OTUD4: variants seen among roughly 807,000 people sequenced by gnomAD.
OTUD4 encodes OTU domain-containing protein 4.
OTUD4 carries 24 observed loss-of-function variants against 130.4 expected under a neutral mutation model. The observed-to-expected ratio is 0.18, with a 90% confidence interval of 0.13 to 0.26. The LOEUF (loss-of-function observed/expected upper bound fraction) is 0.26, where lower values mean the gene tolerates loss of function less well. OTUD4 is among the 10% of genes least tolerant of loss of function. OTUD4 has a pLI of 1.00. For missense variants in OTUD4, 1,031 were observed against 1,329.4 expected (o/e 0.78, Z 3.49); for synonymous variants, 420 against 472.5 (o/e 0.89, Z 1.44).
chr4:145,170,001 T>C (rs1241473511), intron 3 of OTUD4, among the ~76,000 whole-genome samples: 1 of 151,974 alleles, frequency 6.6e-6, no homozygotes, highest in Non-Finnish European at 1.5e-5. Context: ...CAGAGAAAAA[T>C]AAAGCAGAGA....
At chr4:145,154,050 A>G (rs577456380) in intron 10 of OTUD4, among the ~76,000 whole-genome samples, 1 of 152,362 alleles carries the variant, frequency 6.6e-6, no homozygotes, top group East Asian at 1.9e-4. Flanking sequence ...TATCAAAAGC[A>G]CCTACTTTAC....
chr4:145,164,347 C>T (rs542672240), intron 4 of OTUD4, 121 bp from the exon 5 acceptor site: 1 of 454,536 alleles, frequency 2.2e-6, no homozygotes, highest in Non-Finnish European at 4.0e-6. Flanking sequence ...ACTGGAGATA[C>T]AAAAGACAAT....
In OTUD4 at chr4:145,135,540, A is replaced by ATCT. The variant is rs1014101634; in HGVS notation, c.*1887_*1889dup. On this transcript the variant is annotated 3_prime_UTR_variant, in exon 21 of 21. Coordinates refer to ENST00000447906, the MANE Select transcript of OTUD4 (RefSeq NM_001366057.1). ...ATGAGCTGAAAGTGGAGGACCCTCT[A>ATCT]TCTTCTCATTCCTTAACTGAGCCAC... 11 of 152,394 alleles carry ATCT rather than the reference A, an allele frequency of 7.2e-5. No homozygotes were observed. Among genetic ancestry groups the ATCT allele is most frequent in the Admixed American group, 5.9e-4 (9 of 15,298 alleles). The allele number at this position is 152,394 out of a possible 1,614,324, so 9.4% of individuals were successfully genotyped here.
Position 145,159,725 on chromosome 4 carries a change from G to A in OTUD4, c.497-90C>T, listed in dbSNP as rs973211962. On this transcript the variant is annotated intron_variant, in intron 6 of 20. Coordinates refer to ENST00000447906, the MANE Select transcript of OTUD4 (RefSeq NM_001366057.1). ...GACCATCACATTGTAACTTTCTATTGCTCAGGCTTTTAAAATCCTGACTAG... is the reference window on the plus strand; with the variant it reads ...GACCATCACATTGTAACTTTCTATTACTCAGGCTTTTAAAATCCTGACTAG... 5.4e-5 allele frequency: 66 copies of A among 1,231,822 alleles called. No homozygotes were observed. In the African/African-American group the frequency reaches 9.5e-4, roughly 18 times the overall value. The allele number at this position is 1,231,822 out of a possible 1,614,324, so 76.3% of individuals were successfully genotyped here.
intron 1 of OTUD4, among the ~76,000 whole-genome samples, chr4:145,175,091 A>G (rs1341197215): frequency 6.6e-6 from 1 of 152,216 alleles, no homozygotes; most frequent in Non-Finnish European, 1.5e-5. Context: ...AATCCATGCT[A>G]CGCCACGCTC....
At position 145,143,961 on chromosome 4, in the gene OTUD4, T is replaced by C. The variant is rs1440092986; in HGVS notation, c.1587A>G (p.Glu529=). The C allele has an allele frequency of 1.2e-6, 2 of 1,613,006 alleles. No homozygotes were observed. Among genetic ancestry groups the C allele is most frequent in the Non-Finnish European group, 1.7e-6 (2 of 1,179,076 alleles). ...AAACTTTTACCTCCAATGTGCTTGG[T>C]TCGGGTCTTTTATCCAACTGACTAT... ...HGHSQLDKRP[E]PSTLENITDD... The change falls in exon 16 of 21, where the codon GAA becomes GAG. Residue 529 remains glutamate, a synonymous_variant. Transcript: ENST00000447906.
chr4:145,152,004 G>C (rs1258910698), intron 11 of OTUD4, among the ~76,000 whole-genome samples: 1 of 152,136 alleles, frequency 6.6e-6, no homozygotes, highest in African/African-American at 2.4e-5. Context: ...CTGCCTTTGT[G>C]CACAATGGTA....
chr4:145,138,114 T>C lies in OTUD4; in HGVS notation c.2661A>G (p.Lys887=), dbSNP rs1170229482. ...TTTCCAGAGACAGATCCAATTCTCC[T>C]TTTTCATCAGAGGGCAGGACAATAT... ...RQNIVLPSDE[K]GELDLSLENL... is the part of the protein sequence containing the mutation. Residue 887 remains lysine, a synonymous_variant, in exon 21 of 21, where the codon AAA becomes AAG. Transcript: ENST00000447906. 6.2e-6 allele frequency: 10 copies of C among 1,613,868 alleles called. No homozygotes were observed. Among genetic ancestry groups the C allele is most frequent in the Non-Finnish European group, 8.5e-6 (10 of 1,179,858 alleles).
chr4:145,175,470 AC>A (rs1415669107), intron 1 of OTUD4, among the ~76,000 whole-genome samples: 1 of 152,220 alleles, frequency 6.6e-6, no homozygotes, highest in African/African-American at 2.4e-5. Flanking sequence ...CTATTAAACA[AC>A]CAGTTCAACA....
At chr4:145,157,684 CAAAAAAAAAAA>C (rs923938636) in intron 7 of OTUD4, among the ~76,000 whole-genome samples, 2 of 44,090 alleles carry the variant, frequency 4.5e-5, no homozygotes, top group Admixed American at 2.4e-4. Flanking sequence ...AACTCCGTCT[CAAAAAAAAAAA>C]AAAAAAAAAA....
At chr4:145,178,263 A>G (rs1752522011) in intron 1 of OTUD4, 1 of 152,232 alleles carries the variant, frequency 6.6e-6, no homozygotes. Flanking sequence ...TACGGAAATC[A>G]GGCACACCCT....
At chr4:145,139,492 T>C (rs1009535599) in intron 20 of OTUD4, among the ~76,000 whole-genome samples, 3 of 152,172 alleles carry the variant, frequency 2.0e-5, no homozygotes, top group Admixed American at 2.0e-4. Context: ...CTATCTTACA[T>C]AGGAGGATGT....
intron 5 of OTUD4, among the ~76,000 whole-genome samples, chr4:145,163,007 CAA>C (rs1751657352): frequency 6.6e-6 from 1 of 151,996 alleles, no homozygotes. Context: ...ACTTAAAGAA[CAA>C]GACACTGTAA....
intron 13 of OTUD4, among the ~76,000 whole-genome samples, chr4:145,147,869 G>T (rs1179378896): frequency 6.6e-6 from 1 of 152,150 alleles, no homozygotes; most frequent in Non-Finnish European, 1.5e-5. Flanking sequence ...AAATCAATTA[G>T]ATTGTTAGCT....
At chr4:145,142,407 C>G (rs1750608816) in intron 17 of OTUD4, 73 bp from the exon 18 acceptor site, 1 of 1,317,916 alleles carries the variant, frequency 7.6e-7, no homozygotes, top group Non-Finnish European at 1.1e-6. Flanking sequence ...TATTTCTAAC[C>G]ACCAGATACA....
At chr4:145,143,301 T>A in intron 17 of OTUD4, 64 bp downstream of exon 17, 1 of 1,006,132 alleles carries the variant, frequency 9.9e-7, no homozygotes, top group South Asian at 1.4e-5. Context: ...TAAATGACCC[T>A]ATACACAGAG....
chr4:145,174,653 CAAGTTACCGCT>C lies in OTUD4; in HGVS notation c.240_243+7del. On this transcript the variant is annotated splice_donor_variant and splice_donor_5th_base_variant and coding_sequence_variant and intron_variant, in exon 2 of 21. Coordinates refer to ENST00000447906, the MANE Select transcript of OTUD4 (RefSeq NM_001366057.1). LOFTEE classifies it high-confidence loss of function. Reference sequence around the variant, plus strand: ...AGACACCATTACATGTTTGAAATTACAAGTTACCGCTTCAAATTTCTCTCTGTTCTCTCGAA... The same window carrying C: ...AGACACCATTACATGTTTGAAATTACTCAAATTTCTCTCTGTTCTCTCGAA... 1 of 1,523,592 alleles carries C rather than the reference CAAGTTACCGCT, an allele frequency of 6.6e-7. No homozygotes were observed. The highest frequency in any genetic ancestry group is 1.1e-5 in the South Asian group (1 of 89,260). 94.4% of individuals were successfully genotyped at this position (1,523,592 alleles called of 1,614,324 possible). A position where few individuals can be genotyped will look rare whatever the true frequency, so the allele number is the denominator to read the frequency against.
rs925856724 is a variant in OTUD4, at chr4:145,134,252, A to T, written c.*3178T>A. The T allele has an allele frequency of 1.3e-5, 2 of 154,172 alleles. No homozygotes were observed. Among genetic ancestry groups the T allele is most frequent in the African/African-American group, 4.8e-5 (2 of 41,540 alleles). 9.6% of individuals were successfully genotyped at this position (154,172 alleles called of 1,614,324 possible). On this transcript the variant is annotated 3_prime_UTR_variant, in exon 21 of 21. Transcript: ENST00000447906. ...ATTTTAAACAAACAATAGCATTTAG[A>T]CATAAAGTAGGAAGCAAAATACAGT...
intron 10 of OTUD4, among the ~76,000 whole-genome samples, chr4:145,153,002 T>A (rs1056673861): frequency 1.2e-4 from 18 of 152,132 alleles, no homozygotes; most frequent in Non-Finnish European, 1.9e-4. Flanking sequence ...CCCGAAGTGC[T>A]GGGATTACAG....
Sources: allele counts gnomAD v4.1 joint callset (sites outside exome capture counted in the v4.1 genomes callset), GRCh38; gene constraint gnomAD v4.1.1; transcripts MANE v1.5; gene names NCBI Gene and HGNC (gene_info 2026-07-23, HGNC 2026-07-21).